The following AHI1 variants were observed in gnomAD, a reference collection of about 807,000 sequenced individuals.
AHI1 encodes jouberin.
In AHI1, 123 loss-of-function variants were observed where a neutral mutation model predicts 149.3. The observed-to-expected ratio is 0.82, with a 90% CI of 0.71 to 0.96. The LOEUF (loss-of-function observed/expected upper bound fraction) is 0.96. Ranked by LOEUF, AHI1 falls within the 40% of genes least tolerant of loss-of-function variation. AHI1 has a pLI of 0.00. For missense variants in AHI1, 1,439 were observed against 1,422.7 expected (o/e 1.01, Z -0.18); for synonymous variants, 475 against 459.8 (o/e 1.03, Z -0.42).
intron 26 of AHI1, among the ~76,000 whole-genome samples, chr6:135,317,243 T>C (rs1786092606): frequency 6.6e-6 from 1 of 152,012 alleles, no homozygotes; most frequent in South Asian, 2.1e-4. Flanking sequence ...TTCCCTGAAT[T>C]ACGTCCTTCA....
rs375729523 is a variant in AHI1 at position 135,345,741 on chromosome 6, C to T, written c.3165+12391G>A. ...TTTTAAAATTAGATAGAGGTGATGG[C>T]TGCAAAACTATAAATATATTAAAAC... On this transcript the variant is annotated intron_variant, in intron 24 of 28. Coordinates refer to ENST00000265602, the MANE Select transcript of AHI1 (RefSeq NM_001134831.2). 3.3e-5 allele frequency among the ~76,000 whole-genome samples: 5 copies of T among 152,148 alleles called. No individual in the cohort carries two copies. The South Asian group carries it at 6.2e-4, about 19-fold the overall frequency.
intron 27 of AHI1, among the ~76,000 whole-genome samples, chr6:135,291,925 C>G (rs557186106): frequency 6.6e-6 from 1 of 152,068 alleles, no homozygotes; most frequent in Non-Finnish European, 1.5e-5. Flanking sequence ...GCAGAGACAA[C>G]GATACAATGG....
intron 21 of AHI1, among the ~76,000 whole-genome samples, chr6:135,406,963 C>T (rs185570025): frequency 6.6e-6 from 1 of 152,128 alleles, no homozygotes; most frequent in Admixed American, 6.5e-5. Flanking sequence ...TGAGATTTAC[C>T]AACGCTCTCA....
chr6:135,446,012 C>T (rs1787148661), intron 13 of AHI1, among the ~76,000 whole-genome samples: 1 of 151,708 alleles, frequency 6.6e-6, no homozygotes, highest in South Asian at 2.1e-4. Context: ...GCCGAGATTG[C>T]ACCACTGCAC....
intron 20 of AHI1, among the ~76,000 whole-genome samples, chr6:135,423,518 C>T (rs1008931714): frequency 3.3e-5 from 5 of 152,076 alleles, no homozygotes; most frequent in Non-Finnish European, 5.9e-5. Flanking sequence ...ACAATGACAA[C>T]GTAGGCTATC....
chr6:135,387,941 C>T (rs1055423149), intron 23 of AHI1: 1 of 1,611,904 alleles, frequency 6.2e-7, no homozygotes, highest in African/African-American at 1.3e-5. Flanking sequence ...GTGGTGGGAT[C>T]CCAGGTCGGC....
intron 22 of AHI1, among the ~76,000 whole-genome samples, 174 bp downstream of exon 22, chr6:135,404,777 C>A (rs1428910581): frequency 6.6e-6 from 1 of 152,204 alleles, no homozygotes; most frequent in Non-Finnish European, 1.5e-5. Context: ...ATCACCCTTA[C>A]TAAATTATCA....
intron 9 of AHI1, among the ~76,000 whole-genome samples, chr6:135,456,388 A>G (rs1040281840): frequency 2.2e-4 from 34 of 152,106 alleles, no homozygotes; most frequent in African/African-American, 8.0e-4. Context: ...AAAAAATAGA[A>G]AAAAAGTTAG....
chr6:135,456,077 T>TA (rs1562215467), intron 9 of AHI1, among the ~76,000 whole-genome samples, 151 bp from the exon 10 acceptor site: 1 of 152,192 alleles, frequency 6.6e-6, no homozygotes, highest in East Asian at 1.9e-4. Flanking sequence ...TCTAGAAACT[T>TA]ACAAATTTTA....
At chr6:135,419,642 T>A (rs1220812056) in intron 20 of AHI1, among the ~76,000 whole-genome samples, 1 of 152,134 alleles carries the variant, frequency 6.6e-6, no homozygotes, top group African/African-American at 2.4e-5. Context: ...CTAACAATCA[T>A]CTATGTCTTC....
At chr6:135,389,113 A>G (rs577451270) in intron 23 of AHI1, among the ~76,000 whole-genome samples, 4 of 151,992 alleles carry the variant, frequency 2.6e-5, no homozygotes, top group Non-Finnish European at 4.4e-5. Flanking sequence ...TATCGAGACC[A>G]TCCTGGCTAA....
chr6:135,480,456 T>C (rs1244383996), intron 5 of AHI1, among the ~76,000 whole-genome samples: 1 of 151,146 alleles, frequency 6.6e-6, no homozygotes, highest in African/African-American at 2.5e-5. Context: ...AGACCCTGTC[T>C]TAAAAAAAAA....
intron 25 of AHI1, among the ~76,000 whole-genome samples, chr6:135,319,716 G>T (rs1167815216): frequency 6.6e-6 from 1 of 152,160 alleles, no homozygotes. Flanking sequence ...AAATTGCTGA[G>T]ATATACTTGA....
At chr6:135,301,104 A>G (rs1783824672) in intron 26 of AHI1, 1 of 985,398 alleles carries the variant, frequency 1.0e-6, no homozygotes. Context: ...TACCCTGAGC[A>G]TCGGATACTT....
Position 135,285,504 on chromosome 6 carries a change from A to T in AHI1, c.*141T>A. The T allele has an allele frequency of 1.1e-6, 1 of 873,220 alleles. No individual in the cohort carries two copies. The highest frequency in any genetic ancestry group is 1.8e-6 in the Non-Finnish European group (1 of 548,602). 54.1% of individuals were successfully genotyped at this position (873,220 alleles called of 1,614,324 possible). A position where few individuals can be genotyped will look rare whatever the true frequency, so the allele number is the denominator to read the frequency against. ...CACAACTTGATTCTGATTTTTCTAG[A>T]GTCATTCATAAGAACAAGAAGTAGT... On this transcript the variant is annotated 3_prime_UTR_variant, in exon 29 of 29. Coordinates refer to ENST00000265602, the MANE Select transcript of AHI1 (RefSeq NM_001134831.2).
chr6:135,353,957 A>T (rs949093283), intron 24 of AHI1, among the ~76,000 whole-genome samples: 2 of 152,146 alleles, frequency 1.3e-5, no homozygotes, highest in African/African-American at 4.8e-5. Context: ...ATGAATCAAC[A>T]TTTAAATTTC....
At chr6:135,319,806 T>C (rs1786530473) in intron 25 of AHI1, among the ~76,000 whole-genome samples, 1 of 152,232 alleles carries the variant, frequency 6.6e-6, no homozygotes, top group African/African-American at 2.4e-5. Flanking sequence ...GTTTATCTCA[T>C]ATTTTGAGGG....
rs116507298 is a variant in AHI1, at chr6:135,385,092, C to G, written c.3109+9684G>C. Among the ~76,000 whole-genome samples the G allele has an allele frequency of 1.3e-4, 20 of 152,128 alleles. No individual in the cohort carries two copies. In the East Asian group the frequency reaches 2.1e-3, roughly 16 times the overall value. ...CGACAGAGCAAGACACCATCCCCCC[C>G]ACCTCCCAAAAAAGTAAATTAATTA... On this transcript the variant is annotated intron_variant, in intron 23 of 28. Coordinates refer to ENST00000265602, the MANE Select transcript of AHI1 (RefSeq NM_001134831.2).
chr6:135,496,299 T>C (rs2128141542), intron 2 of AHI1, among the ~76,000 whole-genome samples: 1 of 152,194 alleles, frequency 6.6e-6, no homozygotes, highest in Non-Finnish European at 1.5e-5. Flanking sequence ...GTATTTTTAG[T>C]AGAGATGGGG....
Sources: gnomAD v4.1 joint callset for allele counts (sites outside exome capture counted in the v4.1 genomes callset) on GRCh38, gnomAD v4.1.1 for gene constraint, MANE v1.5 for transcripts, NCBI Gene and HGNC (gene_info 2026-07-23, HGNC 2026-07-21) for gene names.